FNIP1: variants seen among roughly 807,000 people sequenced by gnomAD.
FNIP1 encodes folliculin interacting protein 1.
A neutral mutation model predicts 124.5 loss-of-function variants in FNIP1; 40 were observed. The ratio of observed to expected loss-of-function variants is 0.32; its 90% confidence interval spans 0.25 to 0.42. FNIP1 has a LOEUF of 0.42. Ranked by LOEUF, FNIP1 falls within the 10% of genes least tolerant of loss-of-function variation. The probability of loss-of-function intolerance (pLI) is 1.00; values close to 1 mark genes in which losing one functional copy is unlikely to be tolerated. For missense variants in FNIP1, 1,176 were observed against 1,403.7 expected, an observed-to-expected ratio of 0.84 and a Z score of 2.59; for synonymous variants, 472 against 470.6, an observed-to-expected ratio of 1.00 and a Z score of -0.04.
chr5:131,792,881 C>T (rs1270109422), intron 1 of FNIP1, among the ~76,000 whole-genome samples: 1 of 152,164 alleles, frequency 6.6e-6, no homozygotes, highest in Non-Finnish European at 1.5e-5. Flanking sequence ...ATCCAAAACA[C>T]TTCTAGAACC....
intron 1 of FNIP1, among the ~76,000 whole-genome samples, chr5:131,759,111 T>G (rs533271050): frequency 6.6e-6 from 1 of 152,104 alleles, no homozygotes; most frequent in South Asian, 2.1e-4. Flanking sequence ...CAAGATGGAG[T>G]AAAGATTTAA....
At chr5:131,695,792 A>G (rs1768672287) in intron 11 of FNIP1, among the ~76,000 whole-genome samples, 1 of 152,182 alleles carries the variant, frequency 6.6e-6, no homozygotes, top group African/African-American at 2.4e-5. Context: ...GTCACATAAA[A>G]TGTCTGCTGG....
intron 1 of FNIP1, among the ~76,000 whole-genome samples, chr5:131,764,126 C>T (rs531043040): frequency 6.6e-6 from 1 of 152,054 alleles, no homozygotes; most frequent in Admixed American, 6.6e-5. Flanking sequence ...GAAGTGCCTG[C>T]TCCTCATTCA....
chr5:131,673,056 T>G (rs1214522195), intron 13 of FNIP1, 132 bp from the exon 14 acceptor site: 3 of 657,634 alleles, frequency 4.6e-6, no homozygotes, highest in East Asian at 3.0e-5. Flanking sequence ...TTTTTGTTTT[T>G]TTTTTTTTTG....
At chr5:131,648,841 A>G (rs1452224994) in intron 16 of FNIP1, among the ~76,000 whole-genome samples, 1 of 152,084 alleles carries the variant, frequency 6.6e-6, no homozygotes, top group African/African-American at 2.4e-5. Context: ...CCTGGTAACC[A>G]CTATTTTAGA....
At position 131,658,753 on chromosome 5, in the gene FNIP1, G is replaced by A. The variant is rs565576535; in HGVS notation, c.3109-6754C>T. ...CTTTCAGGGGGGCAAGGGACTTCCT[G>A]TAGCAATGCATTTCACGATATTTGG... On this transcript the variant is annotated intron_variant, in intron 15 of 17. Transcript: ENST00000510461. Among the ~76,000 whole-genome samples the A allele has an allele frequency of 7.9e-5, 12 of 151,880 alleles. No homozygotes were observed. In the South Asian group the frequency reaches 2.5e-3, roughly 32 times the overall value.
rs1210156848 is a variant in FNIP1 at position 131,794,266 on chromosome 5, AT to A, written c.92+2563del. Among the ~76,000 whole-genome samples, 706 of 147,918 alleles carry A rather than the reference AT, an allele frequency of 4.8e-3. 3 individuals are homozygous for A. Among genetic ancestry groups the A allele is most frequent in the African/African-American group, 0.016 (631 of 40,492 alleles). On this transcript the variant is annotated intron_variant, in intron 1 of 17. Transcript: ENST00000510461. ...AAAAAAAAAAAAAAGTAAATTTCAT[AT>A]TTTTTTTACAATAAAAATTTTTAAT... is the stretch of plus-strand genomic sequence containing the variant.
intron 2 of FNIP1, among the ~76,000 whole-genome samples, chr5:131,743,725 T>G (rs1427763860): frequency 3.9e-5 from 6 of 152,140 alleles, no homozygotes; most frequent in African/African-American, 1.4e-4. Flanking sequence ...TTCTCTTGCC[T>G]TCTTTCCACC....
intron 3 of FNIP1, among the ~76,000 whole-genome samples, chr5:131,727,501 C>T (rs1769922511): frequency 6.6e-6 from 1 of 151,956 alleles, no homozygotes; most frequent in Non-Finnish European, 1.5e-5. Context: ...GATTGCTACC[C>T]CTGCTTTTTT....
chr5:131,660,719 G>A (rs1767402502), intron 15 of FNIP1, among the ~76,000 whole-genome samples: 1 of 152,196 alleles, frequency 6.6e-6, no homozygotes, highest in Non-Finnish European at 1.5e-5. Flanking sequence ...TATGCAGTGG[G>A]CAGGAAGAAC....
chr5:131,779,295 G>A (rs1370606714), intron 1 of FNIP1, among the ~76,000 whole-genome samples: 1 of 152,058 alleles, frequency 6.6e-6, no homozygotes, highest in Non-Finnish European at 1.5e-5. Context: ...AACTGAACAT[G>A]GACTGAGTAT....
chr5:131,689,336 A>G (rs1381056281), intron 11 of FNIP1, among the ~76,000 whole-genome samples: 2 of 152,194 alleles, frequency 1.3e-5, no homozygotes, highest in Non-Finnish European at 2.9e-5. Context: ...TTTCAGAGAA[A>G]ACAGGTTAGA....
intron 1 of FNIP1, among the ~76,000 whole-genome samples, chr5:131,778,890 G>A (rs7733978): frequency 0.73 from 79,496 of 108,642 alleles, 28,967 homozygotes; most frequent in Middle Eastern, 0.79. Flanking sequence ...GTAAACTATC[G>A]CAAGAACAAA....
chr5:131,782,014 C>T (rs897725247), intron 1 of FNIP1, among the ~76,000 whole-genome samples: 1 of 152,002 alleles, frequency 6.6e-6, no homozygotes, highest in African/African-American at 2.4e-5. Flanking sequence ...ATTAGCCAGG[C>T]ATCGTGGCAA....
intron 2 of FNIP1, among the ~76,000 whole-genome samples, chr5:131,734,620 A>C (rs1257706545): frequency 6.6e-6 from 1 of 152,178 alleles, no homozygotes; most frequent in African/African-American, 2.4e-5. Context: ...ACAAGAAAAA[A>C]AACAAACAAC....
intron 3 of FNIP1, among the ~76,000 whole-genome samples, chr5:131,725,178 A>T (rs1365004694): frequency 2.0e-5 from 3 of 152,186 alleles, no homozygotes; most frequent in Non-Finnish European, 4.4e-5. Flanking sequence ...TTTCTTGGCT[A>T]TACAGGCTCT....
chr5:131,645,878 T>A (rs1354964518), intron 17 of FNIP1, among the ~76,000 whole-genome samples: 1 of 152,122 alleles, frequency 6.6e-6, no homozygotes, highest in Non-Finnish European at 1.5e-5. Context: ...GACACAAGAG[T>A]ATAACTCAAC....
intron 3 of FNIP1, among the ~76,000 whole-genome samples, chr5:131,726,042 G>A (rs924104149): frequency 2.0e-5 from 3 of 152,176 alleles, no homozygotes; most frequent in African/African-American, 7.2e-5. Context: ...CAGGGACAAA[G>A]GCGACTTGAT....
chr5:131,773,940 G>A (rs1393235757), intron 1 of FNIP1, among the ~76,000 whole-genome samples: 2 of 152,164 alleles, frequency 1.3e-5, no homozygotes, highest in African/African-American at 4.8e-5. Flanking sequence ...CAGTACAGTG[G>A]CTGGCATTAA....
Sources: gnomAD v4.1 joint callset for allele counts (sites outside exome capture counted in the v4.1 genomes callset) on GRCh38, gnomAD v4.1.1 for gene constraint, MANE v1.5 for transcripts, NCBI Gene and HGNC (gene_info 2026-07-23, HGNC 2026-07-21) for gene names.